ENAH: variants seen among roughly 807,000 people sequenced by gnomAD.
ENAH encodes protein enabled homolog.
A neutral mutation model predicts 78.7 loss-of-function variants in ENAH; 23 were observed. The observed-to-expected ratio is 0.29, with a 90% CI of 0.21 to 0.41. The LOEUF (loss-of-function observed/expected upper bound fraction) is 0.41. Among genes scored for constraint, ENAH ranks in the 10% least tolerant of loss-of-function variants. The pLI, the probability that ENAH is intolerant of heterozygous loss-of-function variation, is 1.00. For missense variants in ENAH, 544 were observed against 691.0 expected, an observed-to-expected ratio of 0.79 and a Z score of 2.39; for synonymous variants, 226 against 241.0, an observed-to-expected ratio of 0.94 and a Z score of 0.58.
intron 7 of ENAH, among the ~76,000 whole-genome samples, chr1:225,513,766 T>C (rs1036609331): frequency 5.3e-5 from 8 of 151,640 alleles, no homozygotes; most frequent in South Asian, 2.1e-4. Flanking sequence ...CTGAGGCGGG[T>C]GGATCACCTG....
intron 3 of ENAH, among the ~76,000 whole-genome samples, chr1:225,532,971 T>C (rs1460773640): frequency 6.6e-6 from 1 of 152,112 alleles, no homozygotes; most frequent in Non-Finnish European, 1.5e-5. Context: ...TTGGGCTTTT[T>C]GTCTTTCCAG....
intron 1 of ENAH, among the ~76,000 whole-genome samples, chr1:225,637,560 T>C (rs2148414758): frequency 6.6e-6 from 1 of 152,158 alleles, no homozygotes; most frequent in African/African-American, 2.4e-5. Context: ...GAACCACACA[T>C]TATGAAGGGA....
rs1466125853 is a variant in ENAH, at chr1:225,653,107, G to A, written c.-417C>T. ...CCGTGTGCAACCGGCAGCTGCTGCA[G>A]CCGCGGGAGGAGAGTCGGGATCGCC... On this transcript the variant is annotated 5_prime_UTR_variant, in exon 1 of 14. Transcript: ENST00000366843. This position sits in a 1 kb window ranked among gnomAD's most constrained non-coding sequence, Gnocchi z 4.3. 6.6e-6 allele frequency: 1 copy of A among 152,294 alleles called. No individual in the cohort carries two copies. Among genetic ancestry groups the A allele is most frequent in the Admixed American group, 6.6e-5 (1 of 15,194 alleles). The allele number at this position is 152,294 out of a possible 1,614,324, so 9.4% of individuals were successfully genotyped here.
intron 1 of ENAH, among the ~76,000 whole-genome samples, chr1:225,571,663 C>T (rs2096763252): frequency 6.6e-6 from 1 of 152,190 alleles, no homozygotes. Flanking sequence ...CACCTCATTA[C>T]TGCCCCCCGC....
chr1:225,546,350 G>A (rs2096613789), intron 3 of ENAH, among the ~76,000 whole-genome samples: 1 of 152,142 alleles, frequency 6.6e-6, no homozygotes, highest in Non-Finnish European at 1.5e-5. Context: ...ACAAATATTA[G>A]AAGATAAAGC....
intron 4 of ENAH, among the ~76,000 whole-genome samples, chr1:225,527,148 C>T (rs756736922): frequency 4.6e-5 from 7 of 152,206 alleles, no homozygotes; most frequent in Non-Finnish European, 7.3e-5. Context: ...ACCTCACCCA[C>T]ATCCTCACAG....
rs1663350682 is a variant in ENAH, at chr1:225,653,074, C to T, written c.-384G>A. The T allele has an allele frequency of 6.4e-6, 1 of 155,640 alleles. No individual in the cohort carries two copies. Among genetic ancestry groups the T allele is most frequent in the African/African-American group, 2.4e-5 (1 of 41,400 alleles). 9.6% of individuals were successfully genotyped at this position (155,640 alleles called of 1,614,324 possible). On this transcript the variant is annotated 5_prime_UTR_variant, in exon 1 of 14. Transcript: ENST00000366843. This position sits in a 1 kb window ranked among gnomAD's most constrained non-coding sequence, Gnocchi z 4.3. ...CACAGGCCCGCGCTCGCCGCGCCGC[C>T]GCCGAGGCCGTGTGCAACCGGCAGC...
At chr1:225,605,299 GGA>G (rs2096951142) in intron 1 of ENAH, among the ~76,000 whole-genome samples, 1 of 152,156 alleles carries the variant, frequency 6.6e-6, no homozygotes, top group South Asian at 2.1e-4. Flanking sequence ...GGGGAGTGGG[GGA>G]GAGAAAAGAC....
chr1:225,625,584 A>T (rs566042731), intron 1 of ENAH, among the ~76,000 whole-genome samples: 1 of 152,282 alleles, frequency 6.6e-6, no homozygotes, highest in South Asian at 2.1e-4. Flanking sequence ...GTGTAATGAC[A>T]TGATCTCAGC....
At chr1:225,636,951 G>A (rs1393887476) in intron 1 of ENAH, among the ~76,000 whole-genome samples, 1 of 152,128 alleles carries the variant, frequency 6.6e-6, no homozygotes, top group Non-Finnish European at 1.5e-5. Flanking sequence ...GGAAACTAAA[G>A]CAAGAATGGG....
At chr1:225,644,018 A>G (rs1030598148) in intron 1 of ENAH, among the ~76,000 whole-genome samples, 1 of 151,970 alleles carries the variant, frequency 6.6e-6, no homozygotes, top group Non-Finnish European at 1.5e-5. Context: ...CAATACAAAT[A>G]TAGTATAATT....
At chr1:225,538,189 A>G (rs1371531123) in intron 3 of ENAH, among the ~76,000 whole-genome samples, 1 of 152,150 alleles carries the variant, frequency 6.6e-6, no homozygotes, top group Non-Finnish European at 1.5e-5. Context: ...TAATGTCCCC[A>G]GGTATTTCTC....
chr1:225,599,357 C>A (rs904891715), intron 1 of ENAH, among the ~76,000 whole-genome samples: 4 of 152,110 alleles, frequency 2.6e-5, no homozygotes, highest in African/African-American at 9.7e-5. Flanking sequence ...CTAAGAAAAT[C>A]TGGGTATGGA....
intron 1 of ENAH, among the ~76,000 whole-genome samples, chr1:225,622,734 G>A (rs1657217549): frequency 6.6e-6 from 1 of 151,650 alleles, no homozygotes; most frequent in East Asian, 1.9e-4. Context: ...TCACCTTGGG[G>A]GTAGGTTTCA....
At chr1:225,511,013 C>T (rs1385177812) in intron 10 of ENAH, among the ~76,000 whole-genome samples, 1 of 151,802 alleles carries the variant, frequency 6.6e-6, no homozygotes, top group Admixed American at 6.6e-5. Context: ...AGAGCAAGAC[C>T]CCATCTCAAA....
At chr1:225,626,057 C>T (rs1273247914) in intron 1 of ENAH, among the ~76,000 whole-genome samples, 1 of 152,078 alleles carries the variant, frequency 6.6e-6, no homozygotes, top group Non-Finnish European at 1.5e-5. Flanking sequence ...CTTTGACTCT[C>T]CATTTATGAA....
chr1:225,596,099 G>A (rs1157213863), intron 1 of ENAH, among the ~76,000 whole-genome samples: 1 of 152,100 alleles, frequency 6.6e-6, no homozygotes, highest in Non-Finnish European at 1.5e-5. Context: ...TTCTGAAGCT[G>A]GCTTATTTTT....
At chr1:225,627,978 G>A (rs974317625) in intron 1 of ENAH, among the ~76,000 whole-genome samples, 1 of 152,166 alleles carries the variant, frequency 6.6e-6, no homozygotes, top group Non-Finnish European at 1.5e-5. Flanking sequence ...GCAGAAAAGG[G>A]CAGTTACTTC....
At chr1:225,549,493 A>G (rs976855282) in intron 3 of ENAH, among the ~76,000 whole-genome samples, 1 of 152,166 alleles carries the variant, frequency 6.6e-6, no homozygotes, top group Non-Finnish European at 1.5e-5. Flanking sequence ...ACAAAGAGAA[A>G]AGAGGTTGAG....
Sources: allele counts gnomAD v4.1 joint callset (sites outside exome capture counted in the v4.1 genomes callset), GRCh38; gene constraint gnomAD v4.1.1; non-coding constraint Gnocchi (gnomAD v3.1); transcripts MANE v1.5; gene names NCBI Gene and HGNC (gene_info 2026-07-23, HGNC 2026-07-21).